The following MACROD2 variants were observed in gnomAD, a reference collection of about 807,000 sequenced individuals.
MACROD2 encodes ADP-ribose glycohydrolase MACROD2.
In MACROD2, 36 loss-of-function variants were observed where a neutral mutation model predicts 70.4. The ratio of observed to expected loss-of-function variants is 0.51; its 90% CI spans 0.39 to 0.68. MACROD2 has a LOEUF of 0.68. Among genes scored for constraint, MACROD2 ranks in the 30% least tolerant of loss-of-function variants. MACROD2 has a pLI of 0.00. For missense variants in MACROD2, 496 were observed against 538.4 expected, an observed-to-expected ratio of 0.92 and a Z score of 0.78; for synonymous variants, 172 against 178.8, an observed-to-expected ratio of 0.96 and a Z score of 0.30.
intron 8 of MACROD2, among the ~76,000 whole-genome samples, chr20:15,662,209 C>G (rs759351009): frequency 2.0e-5 from 3 of 152,198 alleles, no homozygotes; most frequent in Non-Finnish European, 2.9e-5. Context: ...ATCACCACAC[C>G]TTGTGTTAAA....
intron 8 of MACROD2, among the ~76,000 whole-genome samples, chr20:15,612,619 C>T (rs964311114): frequency 1.3e-4 from 20 of 152,214 alleles, no homozygotes; most frequent in Non-Finnish European, 1.3e-4. Flanking sequence ...GCCACTAAAG[C>T]TTTAGCTATT....
At chr20:15,593,140 G>A (rs1056070820) in intron 8 of MACROD2, among the ~76,000 whole-genome samples, 4 of 152,152 alleles carry the variant, frequency 2.6e-5, no homozygotes, top group Admixed American at 2.0e-4. Context: ...ATCATTGTGT[G>A]TTAGATGTGA....
At chr20:15,129,163 A>T (rs1328411053) in intron 5 of MACROD2, among the ~76,000 whole-genome samples, 3 of 152,068 alleles carry the variant, frequency 2.0e-5, no homozygotes, top group Admixed American at 1.3e-4. Context: ...ATGTAACATA[A>T]TTTATTTTGG....
intron 3 of MACROD2, among the ~76,000 whole-genome samples, chr20:14,421,424 T>C (rs755488899): frequency 1.3e-5 from 2 of 152,178 alleles, no homozygotes; most frequent in Non-Finnish European, 2.9e-5. Flanking sequence ...AGATTTTCTG[T>C]CTTCATTTTT....
intron 6 of MACROD2, among the ~76,000 whole-genome samples, chr20:15,375,467 T>C (rs2045549883): frequency 6.6e-6 from 1 of 152,114 alleles, no homozygotes; most frequent in Non-Finnish European, 1.5e-5. Flanking sequence ...GAAGCACGAA[T>C]AAGAACAACC....
At chr20:14,093,226 C>T (rs538481254) in intron 3 of MACROD2, among the ~76,000 whole-genome samples, 5 of 152,042 alleles carry the variant, frequency 3.3e-5, no homozygotes, top group African/African-American at 7.2e-5. Flanking sequence ...ACTACAAGCA[C>T]GTGCCACCAT....
At position 15,943,805 on chromosome 20, in the gene MACROD2, T is replaced by C. The variant is rs141438593; in HGVS notation, c.907+6261T>C. Among the ~76,000 whole-genome samples the C allele has an allele frequency of 4.3e-3, 658 of 152,218 alleles. 3 individuals carry two copies. The highest frequency in any genetic ancestry group is 0.016 in the African/African-American group (645 of 41,572). On this transcript the variant is annotated intron_variant, in intron 12 of 17. Coordinates refer to ENST00000684519, the MANE Select transcript of MACROD2 (RefSeq NM_001351661.2). ...AAGGTAGTATTTATCATATTTTTAA[T>C]ATAAAAATTATTTTTGCTTATAAGA...
At chr20:16,019,177 G>A (rs555319467) in intron 15 of MACROD2, among the ~76,000 whole-genome samples, 3 of 152,256 alleles carry the variant, frequency 2.0e-5, no homozygotes, top group Non-Finnish European at 2.9e-5. Flanking sequence ...TTTTCCAGGG[G>A]TACAAAGAGA....
chr20:14,848,666 A>C (rs1226694403), intron 5 of MACROD2, among the ~76,000 whole-genome samples: 2 of 152,178 alleles, frequency 1.3e-5, no homozygotes, highest in Non-Finnish European at 2.9e-5. Flanking sequence ...CTGCTTGTTA[A>C]AATCATAATA....
intron 5 of MACROD2, among the ~76,000 whole-genome samples, chr20:14,968,651 A>G (rs1372706913): frequency 6.6e-6 from 1 of 152,172 alleles, no homozygotes; most frequent in Non-Finnish European, 1.5e-5. Context: ...GGGGGGCTCC[A>G]CCCCCAGAGT....
At chr20:15,711,627 A>AC (rs2050629653) in intron 8 of MACROD2, among the ~76,000 whole-genome samples, 1 of 152,156 alleles carries the variant, frequency 6.6e-6, no homozygotes. Flanking sequence ...TGTTTTCCTT[A>AC]CCAGTACATG....
chr20:15,275,628 T>A (rs769914635), intron 6 of MACROD2, among the ~76,000 whole-genome samples: 6 of 152,232 alleles, frequency 3.9e-5, no homozygotes, highest in Non-Finnish European at 7.3e-5. Flanking sequence ...CTGTAATTTC[T>A]AGGTGGAATG....
At position 14,449,664 on chromosome 20, in the gene MACROD2, A is replaced by G. The variant is rs116472388; in HGVS notation, c.272-43815A>G. On this transcript the variant is annotated intron_variant, in intron 3 of 17. Coordinates refer to ENST00000684519, the MANE Select transcript of MACROD2 (RefSeq NM_001351661.2). ...ATAGGTATCATTTATGAATAACCCG[A>G]GATGGTACAGGTACTCTATAAAGAA... 2.3e-3 allele frequency among the ~76,000 whole-genome samples: 348 copies of G among 152,270 alleles called. 1 individual carries two copies. Among genetic ancestry groups the G allele is most frequent in the African/African-American group, 8.0e-3 (332 of 41,516 alleles).
chr20:14,794,390 C>T (rs1726582843), intron 5 of MACROD2, among the ~76,000 whole-genome samples: 1 of 152,084 alleles, frequency 6.6e-6, no homozygotes, highest in Admixed American at 6.5e-5. Flanking sequence ...CTGTTGGTAT[C>T]AACAAGGGAA....
intron 9 of MACROD2, among the ~76,000 whole-genome samples, chr20:15,869,455 G>A (rs2064549877): frequency 6.6e-6 from 1 of 151,256 alleles, no homozygotes; most frequent in South Asian, 2.1e-4. Flanking sequence ...TATTCCCAAT[G>A]TTCTTGACAT....
At chr20:15,382,204 C>T (rs1294640557) in intron 6 of MACROD2, among the ~76,000 whole-genome samples, 2 of 152,124 alleles carry the variant, frequency 1.3e-5, no homozygotes, top group African/African-American at 2.4e-5. Flanking sequence ...CAGCACTTCT[C>T]GCCACTCCCT....
At position 14,926,276 on chromosome 20, in the gene MACROD2, G is replaced by T. The variant is rs1006535112; in HGVS notation, c.418+241317G>T. ...AAAAAATAGGGAGCACTGGCCAGGTGCGGTGGCTCACACCTGTAATCCCAG... is the reference window on the plus strand; with the variant it reads ...AAAAAATAGGGAGCACTGGCCAGGTTCGGTGGCTCACACCTGTAATCCCAG... On this transcript the variant is annotated intron_variant, in intron 5 of 17. Transcript: ENST00000684519. Among the ~76,000 whole-genome samples the T allele has an allele frequency of 5.9e-5, 9 of 152,192 alleles. No homozygotes were observed. In the East Asian group the frequency reaches 1.5e-3, roughly 26 times the overall value.
intron 3 of MACROD2, among the ~76,000 whole-genome samples, chr20:14,240,981 T>C (rs1348109969): frequency 3.3e-5 from 5 of 152,016 alleles, no homozygotes; most frequent in Non-Finnish European, 5.9e-5. Context: ...ATACAAAAAA[T>C]AGCTGGGTGT....
At chr20:15,534,399 A>G (rs1455013680) in intron 8 of MACROD2, among the ~76,000 whole-genome samples, 1 of 152,242 alleles carries the variant, frequency 6.6e-6, no homozygotes, top group Non-Finnish European at 1.5e-5. Context: ...TGAATTATTT[A>G]TTTTAAAATA....
Sources: allele counts gnomAD v4.1 joint callset (sites outside exome capture counted in the v4.1 genomes callset), GRCh38; gene constraint gnomAD v4.1.1; transcripts MANE v1.5; gene names NCBI Gene and HGNC (gene_info 2026-07-23, HGNC 2026-07-21).